The following ERG variants were observed in gnomAD, a reference collection of about 807,000 sequenced individuals.
ERG encodes transcriptional regulator ERG.
In ERG, 9 loss-of-function variants were observed where a neutral mutation model predicts 55.3. The ratio of observed to expected loss-of-function variants is 0.16; its 90% CI spans 0.10 to 0.28. ERG has a LOEUF of 0.28. Among genes scored for constraint, ERG ranks in the 10% least tolerant of loss-of-function variants. The probability of loss-of-function intolerance (pLI) is 1.00; values close to 1 mark genes in which losing one functional copy is unlikely to be tolerated. For missense variants in ERG, 434 were observed against 631.6 expected (o/e 0.69, Z 3.35); for synonymous variants, 223 against 237.3 (o/e 0.94, Z 0.55).
chr21:38,608,773 T>A (rs2060209964), intron 1 of ERG, among the ~76,000 whole-genome samples: 1 of 152,042 alleles, frequency 6.6e-6, no homozygotes, highest in East Asian at 1.9e-4. Context: ...AAGGGGTGGG[T>A]ACAAACAATG....
intron 2 of ERG, among the ~76,000 whole-genome samples, chr21:38,547,417 A>G (rs73215979): frequency 0.061 from 9,310 of 152,248 alleles, 482 homozygotes; most frequent in Admixed American, 0.16. Context: ...ACTCACCAAA[A>G]TGAAGAGTGT....
chr21:38,386,577 T>G (rs185663434), intron 9 of ERG, among the ~76,000 whole-genome samples: 1 of 152,332 alleles, frequency 6.6e-6, no homozygotes, highest in East Asian at 1.9e-4. Flanking sequence ...AACAATAACA[T>G]TTAATGTGTG....
intron 1 of ERG, among the ~76,000 whole-genome samples, chr21:38,463,008 A>G (rs2059057434): frequency 6.6e-6 from 1 of 152,140 alleles, no homozygotes; most frequent in Non-Finnish European, 1.5e-5. Context: ...GGGCTGAGGG[A>G]CTGCAGAGCC....
At chr21:38,433,465 G>GA (rs1308836993) in intron 2 of ERG, among the ~76,000 whole-genome samples, 2 of 152,140 alleles carry the variant, frequency 1.3e-5, no homozygotes, top group Non-Finnish European at 2.9e-5. Flanking sequence ...TAATATTACT[G>GA]AAAAAACATA....
intron 1 of ERG, among the ~76,000 whole-genome samples, chr21:38,496,426 A>T (rs1301928265): frequency 1.3e-5 from 2 of 152,144 alleles, no homozygotes; most frequent in East Asian, 3.9e-4. Context: ...TAGTCAACAG[A>T]CTCAGGACCT....
At chr21:38,411,981 G>A (rs965938129) in intron 3 of ERG, among the ~76,000 whole-genome samples, 16 of 152,138 alleles carry the variant, frequency 1.1e-4, no homozygotes, top group Admixed American at 1.0e-3. Flanking sequence ...CTGCCTGAAA[G>A]TATATTTAGT....
rs181907119 is a variant in ERG at position 38,541,162 on chromosome 21, A to G, written c.-41+34500T>C. On this transcript the variant is annotated intron_variant, in intron 2 of 8. Transcript: ENST00000398897. ...CCATCTGGATGGAAGACGCCATCCA[A>G]TTATAAATCCTTAGGATACTTTTTA... 1.1e-4 allele frequency among the ~76,000 whole-genome samples: 16 copies of G among 152,314 alleles called. No individual in the cohort carries two copies. The South Asian group carries it at 2.7e-3, about 26-fold the overall frequency.
chr21:38,529,347 T>C (rs1284667120), intron 2 of ERG, among the ~76,000 whole-genome samples: 1 of 152,122 alleles, frequency 6.6e-6, no homozygotes, highest in Non-Finnish European at 1.5e-5. Context: ...ATTAAGGTGC[T>C]GGTGGTGGAG....
intron 1 of ERG, among the ~76,000 whole-genome samples, chr21:38,653,445 G>A (rs1601358453): frequency 6.6e-6 from 1 of 152,118 alleles, no homozygotes; most frequent in East Asian, 1.9e-4. Flanking sequence ...AGCATTCCCT[G>A]AATTCTCAGG....
rs369308163 is a variant in ERG, at chr21:38,494,966, G to A, written c.18+3397C>T. ...ACTTTTCGGCAAGGACAAACACTCA[G>A]AGCATGCTCTGAAATGACTTATGCA... On this transcript the variant is annotated intron_variant, in intron 1 of 9. Transcript: ENST00000288319. Among the ~76,000 whole-genome samples the A allele has an allele frequency of 2.0e-5, 3 of 152,222 alleles. No homozygotes were observed. In the East Asian group the frequency reaches 5.8e-4, roughly 29 times the overall value.
chr21:38,530,652 C>T (rs895434222), intron 2 of ERG, among the ~76,000 whole-genome samples: 5 of 152,128 alleles, frequency 3.3e-5, no homozygotes, highest in African/African-American at 4.8e-5. Context: ...CATCATTAGG[C>T]GACATCTTCA....
chr21:38,460,907 T>G lies in ERG; in HGVS notation c.19-15286A>C, dbSNP rs769835010. Among the ~76,000 whole-genome samples the G allele has an allele frequency of 1.1e-4, 17 of 152,254 alleles. No individual in the cohort carries two copies. Among genetic ancestry groups the G allele is most frequent in the Non-Finnish European group, 2.1e-4 (14 of 68,046 alleles). ...GACGTTTGGAAAAACTGTTCACTGC[T>G]GTGCTTGCCTATGGAGAACCTGGAT... On this transcript the variant is annotated intron_variant, in intron 1 of 9. Transcript: ENST00000288319. The surrounding 1 kb of genome is among the most constrained non-coding windows in gnomAD (Gnocchi z 5.0).
At chr21:38,422,615 A>G (rs547996313) in intron 3 of ERG, among the ~76,000 whole-genome samples, 37 of 152,350 alleles carry the variant, frequency 2.4e-4, no homozygotes, top group African/African-American at 8.4e-4. Flanking sequence ...TTTAGGTAGC[A>G]TGTATCCTCT....
chr21:38,378,508 A>G (rs1191220104), downstream of ERG, among the ~76,000 whole-genome samples: 1 of 152,156 alleles, frequency 6.6e-6, no homozygotes, highest in Non-Finnish European at 1.5e-5. Flanking sequence ...ACGTTTTCCA[A>G]CAGCTTGATA....
intron 5 of ERG, 137 bp downstream of exon 5, chr21:38,402,420 A>G: frequency 1.6e-6 from 1 of 638,566 alleles, no homozygotes; most frequent in South Asian, 1.9e-5. Flanking sequence ...TACATTCCTA[A>G]GTATCCGAAA....
chr21:38,466,790 G>A (rs889767518), intron 1 of ERG, among the ~76,000 whole-genome samples: 1 of 152,130 alleles, frequency 6.6e-6, no homozygotes, highest in African/African-American at 2.4e-5. Flanking sequence ...ACAACAGGGT[G>A]GGAGCCCCAA....
Position 38,515,409 on chromosome 21 carries a change from G to A in ERG, c.-41+60253C>T, listed in dbSNP as rs186780435. Among the ~76,000 whole-genome samples, 66 of 151,906 alleles carry A rather than the reference G, an allele frequency of 4.3e-4. No individual in the cohort carries two copies. In the East Asian group the frequency reaches 0.011, roughly 25 times the overall value. On this transcript the variant is annotated intron_variant, in intron 2 of 8. Transcript: ENST00000398897. ...GAAAACTTAAACAGACCAATAACAA[G>A]TAATAAGATTGGATAGGAAAAAAAA...
intron 2 of ERG, among the ~76,000 whole-genome samples, chr21:38,575,064 C>T (rs6517471): frequency 0.34 from 51,997 of 151,978 alleles, 10,582 homozygotes; most frequent in African/African-American, 0.56. Context: ...CACTTCCTCA[C>T]CCTCTCACCT....
chr21:38,588,351 G>C (rs977247777), upstream of ERG, among the ~76,000 whole-genome samples: 2 of 152,060 alleles, frequency 1.3e-5, no homozygotes, highest in Non-Finnish European at 2.9e-5. Flanking sequence ...CCCTGCCCCT[G>C]GCCAGTGGGA....
Sources: allele counts gnomAD v4.1 joint callset (sites outside exome capture counted in the v4.1 genomes callset), GRCh38; gene constraint gnomAD v4.1.1; non-coding constraint Gnocchi (gnomAD v3.1); transcripts MANE v1.5; gene names NCBI Gene and HGNC (gene_info 2026-07-23, HGNC 2026-07-21).